The following SGCD variants were observed in gnomAD, a reference collection of about 807,000 sequenced individuals.
SGCD encodes the protein sarcoglycan delta.
Under a neutral mutation model 36.6 loss-of-function variants are expected in SGCD, and 18 were observed. The ratio of observed to expected loss-of-function variants is 0.49; its 90% CI spans 0.34 to 0.73. SGCD has a LOEUF of 0.73. Ranked by LOEUF, SGCD falls within the 30% of genes least tolerant of loss-of-function variation. The pLI, the probability that SGCD is intolerant of heterozygous loss-of-function variation, is 0.01. For missense variants in SGCD, 387 were observed against 346.7 expected, an observed-to-expected ratio of 1.12 and a Z score of -0.92; for synonymous variants, 133 against 130.6, an observed-to-expected ratio of 1.02 and a Z score of -0.12.
intron 1 of SGCD, among the ~76,000 whole-genome samples, chr5:156,019,073 G>C (rs1332495974): frequency 6.6e-6 from 1 of 152,134 alleles, no homozygotes; most frequent in African/African-American, 2.4e-5. Flanking sequence ...TCTATCATCT[G>C]TTTCCCTAGC....
chr5:155,891,546 A>AAAAT (rs1162673107), intron 1 of SGCD, among the ~76,000 whole-genome samples: 1 of 88,328 alleles, frequency 1.1e-5, no homozygotes, highest in Non-Finnish European at 2.2e-5. Context: ...ATTCCAGAGA[A>AAAAT]AAATAAATAC....
At position 156,579,146 on chromosome 5, in the gene SGCD, T is replaced by C. The variant is rs183433098; in HGVS notation, c.295-10085T>C. Among the ~76,000 whole-genome samples, 743 of 152,364 alleles carry C rather than the reference T, an allele frequency of 4.9e-3. 4 individuals carry two copies. The highest frequency in any genetic ancestry group is 0.015 in the African/African-American group (627 of 41,588). On this transcript the variant is annotated intron_variant, in intron 4 of 8. Coordinates refer to ENST00000337851, the MANE Select transcript of SGCD (RefSeq NM_000337.6). ...TCATTGGTTTCAAAGAACATCCTTA[T>C]TTCTGCCTTCATTTCGTGATGTACC...
chr5:155,899,643 C>A (rs1336844767), intron 1 of SGCD, among the ~76,000 whole-genome samples: 1 of 152,134 alleles, frequency 6.6e-6, no homozygotes, highest in East Asian at 1.9e-4. Context: ...CTCTTTGCTG[C>A]ATGTAATTTC....
At chr5:156,667,018 A>G (rs1045178424) in intron 7 of SGCD, among the ~76,000 whole-genome samples, 2 of 152,140 alleles carry the variant, frequency 1.3e-5, no homozygotes, top group African/African-American at 4.8e-5. Flanking sequence ...AAAATCCAAA[A>G]TCCAAAATGC....
At chr5:156,543,658 TG>T (rs1561767766) in intron 4 of SGCD, among the ~76,000 whole-genome samples, 1 of 152,198 alleles carries the variant, frequency 6.6e-6, no homozygotes, top group East Asian at 1.9e-4. Context: ...TGTAAGGGGC[TG>T]GGCTAAGTGC....
At chr5:156,240,680 C>T (rs1386378528) in intron 3 of SGCD, among the ~76,000 whole-genome samples, 6 of 151,980 alleles carry the variant, frequency 3.9e-5, no homozygotes, top group South Asian at 2.1e-4. Context: ...AGTGCTTCTT[C>T]GTCTGCTTAA....
chr5:156,079,151 G>A (rs10067216), intron 1 of SGCD, among the ~76,000 whole-genome samples: 12,723 of 152,000 alleles, frequency 0.084, 1,677 homozygotes, highest in African/African-American at 0.28. Context: ...GAGCAAGAGA[G>A]AAAGAAAGAG....
In SGCD at chr5:156,736,870, C is replaced by T. The variant is rs552426032; in HGVS notation, c.576-20711C>T. Among the ~76,000 whole-genome samples the T allele has an allele frequency of 3.8e-4, 58 of 152,176 alleles. 1 individual carries two copies. Among genetic ancestry groups the T allele is most frequent in the Non-Finnish European group, 6.6e-4 (45 of 68,024 alleles). On this transcript the variant is annotated intron_variant, in intron 7 of 8. Coordinates refer to ENST00000337851, the MANE Select transcript of SGCD (RefSeq NM_000337.6). Reference sequence around the variant, plus strand: ...TGACTTGTTCAGCCCTCAGCTTTCACATAATCCCCCAGCTAACCCTACTGA... The same window carrying T: ...TGACTTGTTCAGCCCTCAGCTTTCATATAATCCCCCAGCTAACCCTACTGA...
intron 1 of SGCD, among the ~76,000 whole-genome samples, chr5:156,090,955 G>T (rs558960586): frequency 6.6e-6 from 1 of 152,060 alleles, no homozygotes; most frequent in East Asian, 1.9e-4. Flanking sequence ...ATTTTTCCTT[G>T]TTCCCTAAAA....
chr5:156,305,782 C>T (rs1009446838), intron 3 of SGCD, among the ~76,000 whole-genome samples: 8 of 152,208 alleles, frequency 5.3e-5, no homozygotes, highest in Non-Finnish European at 1.2e-4. Flanking sequence ...GGCAGAGCTG[C>T]CCAAGACCAT....
At chr5:156,512,331 A>G (rs1756977142) in intron 4 of SGCD, among the ~76,000 whole-genome samples, 1 of 152,072 alleles carries the variant, frequency 6.6e-6, no homozygotes, top group Non-Finnish European at 1.5e-5. Flanking sequence ...ATAACACCAT[A>G]TGTATTTTTA....
chr5:155,981,941 C>T (rs1758237186), intron 1 of SGCD, among the ~76,000 whole-genome samples: 1 of 152,158 alleles, frequency 6.6e-6, no homozygotes, highest in Non-Finnish European at 1.5e-5. Flanking sequence ...TCCTTAGTAC[C>T]TACAACAGGA....
intron 3 of SGCD, among the ~76,000 whole-genome samples, chr5:156,446,882 T>C (rs979131354): frequency 3.3e-5 from 5 of 152,148 alleles, no homozygotes; most frequent in Admixed American, 2.0e-4. Context: ...CTCCAACTCC[T>C]TTATTTTATA....
At chr5:155,827,181 C>G in the SGCD span, among the ~76,000 whole-genome samples, 1 of 152,252 alleles carries the variant, frequency 6.6e-6, no homozygotes, top group Non-Finnish European at 1.5e-5. Context: ...CCAGAAATAC[C>G]TAACGGATCA....
chr5:155,947,294 TGTGTG>T (rs1561659482), intron 1 of SGCD, among the ~76,000 whole-genome samples: 5 of 282 alleles, frequency 0.018, no homozygotes, highest in African/African-American at 0.029. Flanking sequence ...TAAATACTCT[TGTGTG>T]TGTGTGTGTG....
At chr5:156,243,016 A>T (rs1448705737) in intron 3 of SGCD, among the ~76,000 whole-genome samples, 1 of 152,150 alleles carries the variant, frequency 6.6e-6, no homozygotes, top group African/African-American at 2.4e-5. Context: ...TGAAGGGGTG[A>T]CTGGCCACGT....
intron 3 of SGCD, among the ~76,000 whole-genome samples, chr5:156,220,654 T>A (rs1254643045): frequency 1.3e-5 from 2 of 152,120 alleles, no homozygotes; most frequent in African/African-American, 4.8e-5. Flanking sequence ...TGGACAATTA[T>A]TTTTCAACTG....
chr5:156,637,882 A>C (rs6872094), intron 6 of SGCD, among the ~76,000 whole-genome samples: 21,168 of 152,178 alleles, frequency 0.14, 1,986 homozygotes, highest in East Asian at 0.3. Context: ...AATGCTTTGA[A>C]ACCTTCAATT....
intron 1 of SGCD, among the ~76,000 whole-genome samples, chr5:155,925,855 G>A (rs1756985069): frequency 6.6e-6 from 1 of 152,080 alleles, no homozygotes; most frequent in African/African-American, 2.4e-5. Flanking sequence ...GGCCTCAAGT[G>A]ACCCACACAG....
Sources: allele counts gnomAD v4.1 joint callset (sites outside exome capture counted in the v4.1 genomes callset), GRCh38; gene constraint gnomAD v4.1.1; transcripts MANE v1.5; gene names NCBI Gene and HGNC (gene_info 2026-07-23, HGNC 2026-07-21).